The following XKR6 variants were observed in gnomAD, a reference collection of about 807,000 sequenced individuals.
XKR6 encodes XK related 6, also known as XK-related protein 6.
A neutral mutation model predicts 56.7 loss-of-function variants in XKR6; 22 were observed. That is an observed-to-expected ratio of 0.39 (90% CI 0.28 to 0.55). The LOEUF is 0.55. Ranked by LOEUF, XKR6 falls within the 20% of genes least tolerant of loss-of-function variation. The pLI is 0.66. For missense variants in XKR6, 852 were observed against 889.0 expected (o/e 0.96, Z 0.53); for synonymous variants, 524 against 387.8 (o/e 1.35, Z -4.13).
At chr8:10,969,869 C>T (rs1057121410) in intron 1 of XKR6, among the ~76,000 whole-genome samples, 16 of 152,196 alleles carry the variant, frequency 1.1e-4, no homozygotes, top group East Asian at 3.9e-4. Flanking sequence ...CAGTGCAGCC[C>T]GAAGATGGGA....
chr8:10,992,807 G>A (rs959722979), intron 1 of XKR6, among the ~76,000 whole-genome samples: 6 of 152,170 alleles, frequency 3.9e-5, no homozygotes, highest in African/African-American at 7.2e-5. Flanking sequence ...GGGAAGAGGA[G>A]ATGGTCCTTG....
At chr8:11,000,885 C>T (rs894930519) in intron 1 of XKR6, among the ~76,000 whole-genome samples, 1 of 152,146 alleles carries the variant, frequency 6.6e-6, no homozygotes. Flanking sequence ...TTTCTGGACA[C>T]GTGGTCCAGA....
intron 1 of XKR6, among the ~76,000 whole-genome samples, chr8:11,170,019 T>C (rs773728812): frequency 6.6e-6 from 1 of 152,090 alleles, no homozygotes; most frequent in Non-Finnish European, 1.5e-5. Flanking sequence ...AAAATGGAAG[T>C]CTGCAACTCC....
At chr8:11,008,740 G>A (rs773518518) in intron 1 of XKR6, among the ~76,000 whole-genome samples, 18 of 152,162 alleles carry the variant, frequency 1.2e-4, no homozygotes, top group South Asian at 2.1e-4. Flanking sequence ...AGGGTTCACC[G>A]GTGGACACAT....
intron 1 of XKR6, chr8:11,111,592 G>C (rs1158763965): frequency 6.6e-6 from 1 of 152,060 alleles, no homozygotes; most frequent in African/African-American, 2.4e-5. Context: ...GGCATAGGAG[G>C]AATTACAGAA....
intron 1 of XKR6, among the ~76,000 whole-genome samples, chr8:10,934,956 A>T (rs1369787182): frequency 6.8e-5 from 7 of 103,646 alleles, no homozygotes; most frequent in African/African-American, 2.2e-4. Flanking sequence ...ATTGATTGGA[A>T]TAGTTTCAGA....
intron 1 of XKR6, among the ~76,000 whole-genome samples, chr8:11,121,740 G>A (rs2129183789): frequency 6.6e-6 from 1 of 152,326 alleles, no homozygotes; most frequent in South Asian, 2.1e-4. Context: ...GCACACATAT[G>A]TTTATTGCGG....
rs376492577 is a variant in XKR6, at chr8:10,898,226, T to G, written c.1652A>C (p.Gln551Pro). Residue 551 changes from glutamine to proline, a missense_variant, in exon 3 of 3, where the codon CAG becomes CCG. Physicochemically the swap from Gln to Pro is moderately conservative, Grantham distance 76. This residue lies in a region of XKR6 where 197 missense variants were observed against 190.9 expected (regional missense o/e 1.03). Transcript: ENST00000416569. The surrounding 1 kb of genome is among the most constrained non-coding windows in gnomAD (Gnocchi z 6.6). ...VTPTRAVTEQ[Q>P]EDLTADTCLP... ...GCAAGTGTCAGCCGTGAGATCCTCCTGTTGTTCCGTTACGGCTCTGGTGGG... is the reference window on the plus strand; with the variant it reads ...GCAAGTGTCAGCCGTGAGATCCTCCGGTTGTTCCGTTACGGCTCTGGTGGG... 6.2e-7 allele frequency: 1 copy of G among 1,614,160 alleles called. No homozygotes were observed. Among genetic ancestry groups the G allele is most frequent in the African/African-American group, 1.3e-5 (1 of 75,048 alleles).
At chr8:11,075,326 T>A (rs77513191) in intron 1 of XKR6, among the ~76,000 whole-genome samples, 2,481 of 152,272 alleles carry the variant, frequency 0.016, 68 homozygotes, top group African/African-American at 0.057. Context: ...AGCAATCCCT[T>A]TACTATGTCC....
At chr8:10,925,372 T>A (rs560255811) in intron 1 of XKR6, among the ~76,000 whole-genome samples, 182 of 152,310 alleles carry the variant, frequency 1.2e-3, no homozygotes, top group African/African-American at 4.3e-3. Flanking sequence ...GGAAACAGCG[T>A]GGGCTCAGAA....
At chr8:10,955,899 G>C (rs1220607387) in intron 1 of XKR6, among the ~76,000 whole-genome samples, 2 of 152,220 alleles carry the variant, frequency 1.3e-5, no homozygotes, top group Admixed American at 1.3e-4. Flanking sequence ...AAAATGCTGA[G>C]AGGGAAGCTG....
chr8:11,029,112 C>G (rs956994781), intron 1 of XKR6, among the ~76,000 whole-genome samples: 7 of 152,170 alleles, frequency 4.6e-5, no homozygotes, highest in African/African-American at 1.7e-4. Context: ...GTGTCGTAGG[C>G]TCTGCTCTTT....
chr8:11,075,905 G>A (rs916400078), intron 1 of XKR6, among the ~76,000 whole-genome samples: 5 of 152,144 alleles, frequency 3.3e-5, no homozygotes, highest in African/African-American at 1.2e-4. Flanking sequence ...TTGATCTTGA[G>A]GAGATATTTG....
chr8:11,182,986 C>T (rs1009139007), intron 1 of XKR6, among the ~76,000 whole-genome samples: 1 of 152,274 alleles, frequency 6.6e-6, no homozygotes, highest in East Asian at 1.9e-4. Context: ...TTTATGGTGG[C>T]CTTATTTCAC....
chr8:10,962,656 C>T (rs578090060), intron 1 of XKR6, among the ~76,000 whole-genome samples: 1 of 151,888 alleles, frequency 6.6e-6, no homozygotes, highest in African/African-American at 2.4e-5. Flanking sequence ...GACAGAGTCT[C>T]ACTCTGTTGT....
chr8:11,195,291 T>G, intron 1 of XKR6: 1 of 633,414 alleles, frequency 1.6e-6, no homozygotes, highest in Non-Finnish European at 2.8e-6. Flanking sequence ...CACCTTTCAT[T>G]CTTTTAGCAT....
chr8:11,137,250 G>A (rs1179284170), intron 1 of XKR6: 1 of 243,298 alleles, frequency 4.1e-6, no homozygotes, highest in Non-Finnish European at 8.0e-6. Flanking sequence ...GCGGGAGACA[G>A]GAATTCCAGA....
At chr8:11,031,256 G>C (rs763141413) in intron 1 of XKR6, among the ~76,000 whole-genome samples, 9 of 152,258 alleles carry the variant, frequency 5.9e-5, no homozygotes, top group Non-Finnish European at 1.0e-4. Context: ...GAACGTGAGA[G>C]CATGAGGGAT....
intron 1 of XKR6, among the ~76,000 whole-genome samples, chr8:10,978,709 A>G (rs1271159565): frequency 6.6e-6 from 1 of 152,166 alleles, no homozygotes; most frequent in Non-Finnish European, 1.5e-5. Flanking sequence ...CTTTGCTTTG[A>G]CAAAGACGCC....
Sources: gnomAD v4.1 joint callset for allele counts (sites outside exome capture counted in the v4.1 genomes callset) on GRCh38, gnomAD v4.1.1 for gene constraint, gnomAD v4.1.1 regional missense constraint, Gnocchi (gnomAD v3.1) non-coding constraint, MANE v1.5 for transcripts, NCBI Gene and HGNC (gene_info 2026-07-23, HGNC 2026-07-21) for gene names.